TENM4: variants seen among roughly 807,000 people sequenced by gnomAD.
TENM4 encodes the protein teneurin transmembrane protein 4.
TENM4 carries 82 observed loss-of-function variants against 243.3 expected under a neutral mutation model. The observed-to-expected ratio is 0.34, with a 90% CI of 0.28 to 0.40. The LOEUF is 0.40. Among genes scored for constraint, TENM4 ranks in the 10% least tolerant of loss-of-function variants. The pLI is 1.00. For synonymous variants in TENM4, 1,412 were observed against 1,456.3 expected (o/e 0.97, Z 0.69); for missense variants, 3,138 against 3,673.3 (o/e 0.85, Z 3.77).
chr11:79,427,965 C>T (rs557710376), intron 1 of TENM4, among the ~76,000 whole-genome samples: 1 of 152,294 alleles, frequency 6.6e-6, no homozygotes, highest in African/African-American at 2.4e-5. Flanking sequence ...AACGGTTGCA[C>T]AAAACTGACA....
chr11:78,851,466 T>C (rs917212692), intron 12 of TENM4, among the ~76,000 whole-genome samples: 3 of 152,246 alleles, frequency 2.0e-5, no homozygotes, highest in Admixed American at 6.5e-5. Flanking sequence ...TCCTCTAAGA[T>C]GTGTATCCTA....
Position 78,805,277 on chromosome 11 carries a change from T to TGCCCCCCCCCCC in TENM4, c.2179+14_2179+15insGGGGGGGGGGGC. 2.4e-5 allele frequency: 33 copies of TGCCCCCCCCCCC among 1,402,510 alleles called. No individual in the cohort carries two copies. The highest frequency in any genetic ancestry group is 2.1e-4 in the Middle Eastern group (1 of 4,800). 86.9% of individuals were successfully genotyped at this position (1,402,510 alleles called of 1,614,324 possible). On this transcript the variant is annotated intron_variant, in intron 15 of 33. Transcript: ENST00000278550. ...CCCCTCCCTCTACCCATGCTTCTTC[T>TGCCCCCCCCCCC]CCCCCTGCATTTACCGATAGAACAG...
chr11:78,705,148 C>A (rs1018012177), intron 27 of TENM4, among the ~76,000 whole-genome samples: 9 of 152,240 alleles, frequency 5.9e-5, no homozygotes, highest in Non-Finnish European at 1.2e-4. Context: ...CACTTCTTGT[C>A]AACTCTGGCC....
chr11:79,191,388 C>G (rs1186529051), intron 3 of TENM4, among the ~76,000 whole-genome samples: 1 of 145,300 alleles, frequency 6.9e-6, no homozygotes. Context: ...CTCGGCCTCC[C>G]GAGGTGCCGG....
At position 79,423,170 on chromosome 11, in the gene TENM4, AG is replaced by A. The variant is rs547665488; in HGVS notation, c.-321+17338del. Among the ~76,000 whole-genome samples, 899 of 152,328 alleles carry A rather than the reference AG, an allele frequency of 5.9e-3. 7 individuals are homozygous for A. Among genetic ancestry groups the A allele is most frequent in the Non-Finnish European group, 9.8e-3 (668 of 68,022 alleles). ...AAAGCACAGATACTGGGAAGAGAAC[AG>A]GAAGATTCCAACTGGAGAGGTAACA... is the stretch of plus-strand genomic sequence containing the variant. On this transcript the variant is annotated intron_variant, in intron 1 of 33. Coordinates refer to ENST00000278550, the MANE Select transcript of TENM4 (RefSeq NM_001098816.3).
intron 3 of TENM4, among the ~76,000 whole-genome samples, chr11:79,160,483 C>T (rs763689693): frequency 6.6e-6 from 1 of 151,982 alleles, no homozygotes; most frequent in African/African-American, 2.4e-5. Context: ...GACTTTGCAA[C>T]CTGGGGTGCA....
At chr11:78,665,969 G>T (rs1374610060) in intron 32 of TENM4, among the ~76,000 whole-genome samples, 1 of 152,152 alleles carries the variant, frequency 6.6e-6, no homozygotes, top group African/African-American at 2.4e-5. Context: ...ACCAGTAAGT[G>T]CTTCAGGGAT....
Position 78,669,945 on chromosome 11 carries a change from T to C in TENM4, c.6400A>G (p.Ile2134Val), listed in dbSNP as rs1449872178. Reference sequence around the variant, plus strand: ...GTGTGGGTCATGACAGCTGTGGTGATGATCTGGTTAATGTCATAGTAAATG... The same window carrying C: ...GTGTGGGTCATGACAGCTGTGGTGACGATCTGGTTAATGTCATAGTAAATG... ...GVIYYDINQI[I>V]TTAVMTHTKH... is the part of the protein sequence containing the mutation. The change falls in exon 32 of 34, where the codon ATC becomes GTC. Residue 2134 changes from isoleucine to valine, a missense_variant. Around this residue, in one of 2 missense-constraint regions of TENM4, gnomAD observed 2,467 missense variants for 3,059.1 expected, o/e 0.81. Coordinates refer to ENST00000278550, the MANE Select transcript of TENM4 (RefSeq NM_001098816.3). The surrounding 1 kb of genome is among the most constrained non-coding windows in gnomAD (Gnocchi z 6.4). 6.2e-7 allele frequency: 1 copy of C among 1,613,766 alleles called. No individual in the cohort carries two copies. Among genetic ancestry groups the C allele is most frequent in the East Asian group, 2.2e-5 (1 of 44,886 alleles).
intron 6 of TENM4, among the ~76,000 whole-genome samples, chr11:78,944,625 C>T (rs1440417926): frequency 1.3e-5 from 2 of 152,198 alleles, no homozygotes; most frequent in Non-Finnish European, 2.9e-5. Context: ...GTCTGTCATT[C>T]CTGGTGCCCA....
At chr11:78,661,690 G>A (rs1858034068) in intron 32 of TENM4, 99 bp from the exon 33 acceptor site, 1 of 1,472,096 alleles carries the variant, frequency 6.8e-7, no homozygotes. Context: ...AGGGTGTGGT[G>A]AGGGTGTGGA....
At chr11:78,783,491 G>C (rs1157429228) in intron 16 of TENM4, among the ~76,000 whole-genome samples, 1 of 152,128 alleles carries the variant, frequency 6.6e-6, no homozygotes, top group Non-Finnish European at 1.5e-5. Flanking sequence ...GCAGTTCTGT[G>C]GGCAGTGGAG....
At chr11:78,778,768 T>C in intron 16 of TENM4, 140 bp from the exon 17 acceptor site, 1 of 700,036 alleles carries the variant, frequency 1.4e-6, no homozygotes, top group Admixed American at 2.7e-5. Context: ...GTGGGGAAAA[T>C]AAAACCAAAG....
At chr11:79,191,962 G>A (rs556627842) in intron 3 of TENM4, among the ~76,000 whole-genome samples, 64 of 149,742 alleles carry the variant, frequency 4.3e-4, no homozygotes, top group African/African-American at 1.2e-3. Flanking sequence ...TCAGCCCCCC[G>A]CCCAGCCAGC....
chr11:78,807,133 A>G (rs888175415), intron 14 of TENM4, among the ~76,000 whole-genome samples: 1 of 152,204 alleles, frequency 6.6e-6, no homozygotes, highest in African/African-American at 2.4e-5. Flanking sequence ...ACTTTTGGCT[A>G]TTGTGAATAG....
At chr11:79,358,901 C>G (rs915352235) in intron 1 of TENM4, among the ~76,000 whole-genome samples, 1 of 152,006 alleles carries the variant, frequency 6.6e-6, no homozygotes, top group Non-Finnish European at 1.5e-5. Context: ...ACGAAAAACA[C>G]CTTTATTTTT....
chr11:78,879,937 T>C (rs190089298), intron 9 of TENM4, among the ~76,000 whole-genome samples: 2 of 151,158 alleles, frequency 1.3e-5, no homozygotes, highest in East Asian at 2.0e-4. Flanking sequence ...ATCTGGGAGG[T>C]GTACCCAACA....
At chr11:78,911,624 G>A (rs1204434033) in intron 6 of TENM4, among the ~76,000 whole-genome samples, 1 of 152,198 alleles carries the variant, frequency 6.6e-6, no homozygotes, top group African/African-American at 2.4e-5. Context: ...TGATTATGGT[G>A]AGACAAAACC....
chr11:78,695,266 A>T (rs1227260264), intron 28 of TENM4, among the ~76,000 whole-genome samples: 1 of 152,136 alleles, frequency 6.6e-6, no homozygotes, highest in Non-Finnish European at 1.5e-5. Context: ...CCAGGCTATT[A>T]GCATCCTTTC....
intron 1 of TENM4, among the ~76,000 whole-genome samples, chr11:79,344,957 A>C (rs368603756): frequency 6.6e-6 from 1 of 152,224 alleles, no homozygotes; most frequent in Non-Finnish European, 1.5e-5. Context: ...CAAAGCTTCC[A>C]TAACTTCCTA....
Sources: allele counts gnomAD v4.1 joint callset (sites outside exome capture counted in the v4.1 genomes callset), GRCh38; gene constraint gnomAD v4.1.1; regional missense constraint gnomAD v4.1.1; non-coding constraint Gnocchi (gnomAD v3.1); transcripts MANE v1.5; gene names NCBI Gene and HGNC (gene_info 2026-07-23, HGNC 2026-07-21).